SNRPD3: variants seen among roughly 807,000 people sequenced by gnomAD.
SNRPD3 encodes the protein small nuclear ribonucleoprotein D3 polypeptide, also known as small nuclear ribonucleoprotein Sm D3.
For synonymous variants in SNRPD3, 66 were observed against 58.4 expected (o/e 1.13, Z -0.59); for missense variants, 73 against 167.5 (o/e 0.44, Z 3.11).
At chr22:24,570,407 G>A (rs1489596304) in intron 3 of SNRPD3, among the ~76,000 whole-genome samples, 2 of 152,208 alleles carry the variant, frequency 1.3e-5, no homozygotes, top group East Asian at 1.9e-4. Flanking sequence ...GTGAGGGGCC[G>A]GGCGCAGTGG....
chr22:24,555,755 G>A, upstream of SNRPD3: 1 of 1,550,596 alleles, frequency 6.4e-7, no homozygotes, highest in South Asian at 1.2e-5. Context: ...GGGGTGCTTG[G>A]AAGTGTGAGC....
chr22:24,565,301 A>G (rs1481957493), intron 2 of SNRPD3, among the ~76,000 whole-genome samples: 2 of 152,088 alleles, frequency 1.3e-5, no homozygotes, highest in African/African-American at 4.8e-5. Context: ...AAGCAGGAGA[A>G]TAGAGGGAAA....
intron 2 of SNRPD3, among the ~76,000 whole-genome samples, chr22:24,559,857 A>G (rs1052253157): frequency 6.6e-6 from 1 of 151,986 alleles, no homozygotes; most frequent in African/African-American, 2.4e-5. Context: ...CATAGTTCTG[A>G]AGGCTGGAAG....
At chr22:24,567,916 C>T in intron 2 of SNRPD3, 68 bp from the exon 3 acceptor site, 18 of 1,266,920 alleles carry the variant, frequency 1.4e-5, no homozygotes, top group Non-Finnish European at 2.0e-5. Flanking sequence ...CCCCCTCCCA[C>T]CAGTCAAGGC....
rs2045274357 is a variant in SNRPD3 at position 24,574,576 on chromosome 22, T to C, written c.*2599T>C. 1.3e-5 allele frequency among the ~76,000 whole-genome samples: 2 copies of C among 152,192 alleles called. No homozygotes were observed. The highest frequency in any genetic ancestry group is 2.9e-5 in the Non-Finnish European group (2 of 68,030). On this transcript the variant is annotated 3_prime_UTR_variant, in exon 4 of 4. Transcript: ENST00000215829. Reference sequence around the variant, plus strand: ...TTTGCTTGTTTTAAGACGGTCTCACTCTTCCCCAGGCGGGAGTGCAATGGC... The same window carrying C: ...TTTGCTTGTTTTAAGACGGTCTCACCCTTCCCCAGGCGGGAGTGCAATGGC...
Position 24,574,555 on chromosome 22 carries a change from C to T in SNRPD3, c.*2578C>T, listed in dbSNP as rs1455313525. Among the ~76,000 whole-genome samples the T allele has an allele frequency of 6.6e-5, 10 of 151,856 alleles. No individual in the cohort carries two copies. Among genetic ancestry groups the T allele is most frequent in the Non-Finnish European group, 1.3e-4 (9 of 67,948 alleles). On this transcript the variant is annotated 3_prime_UTR_variant, in exon 4 of 4. Transcript: ENST00000215829. Reference sequence around the variant, plus strand: ...CTATTCCTTGATGGTTTTTTGTTTGCTTGTTTTAAGACGGTCTCACTCTTC... The same window carrying T: ...CTATTCCTTGATGGTTTTTTGTTTGTTTGTTTTAAGACGGTCTCACTCTTC...
intron 2 of SNRPD3, among the ~76,000 whole-genome samples, chr22:24,561,064 CTTTT>C (rs1164120857): frequency 3.6e-4 from 22 of 61,690 alleles, no homozygotes; most frequent in African/African-American, 1.1e-3. Context: ...TTTTTCTTTT[CTTTT>C]TTTTTTTTTT....
chr22:24,572,671 G>A lies in SNRPD3; in HGVS notation c.*694G>A, dbSNP rs962631906. On this transcript the variant is annotated 3_prime_UTR_variant, in exon 4 of 4. Coordinates refer to ENST00000215829, the MANE Select transcript of SNRPD3 (RefSeq NM_004175.5). ...AGCTACTCGGGAGGCTGAGGCAGAA[G>A]ATTCGCTTGAACCCAGGAGGTGGAC... 4 of 158,614 alleles carry A rather than the reference G, an allele frequency of 2.5e-5. No homozygotes were observed. The highest frequency in any genetic ancestry group is 5.5e-5 in the Non-Finnish European group (4 of 72,392). The allele number at this position is 158,614 out of a possible 1,614,324, so 9.8% of individuals were successfully genotyped here.
chr22:24,562,162 G>A (rs1414077515), intron 2 of SNRPD3, among the ~76,000 whole-genome samples: 1 of 152,204 alleles, frequency 6.6e-6, no homozygotes, highest in African/African-American at 2.4e-5. Flanking sequence ...CCCTGTTTTG[G>A]GGTTTTAGTA....
At chr22:24,568,965 C>T (rs1335956433) in intron 3 of SNRPD3, among the ~76,000 whole-genome samples, 1 of 152,158 alleles carries the variant, frequency 6.6e-6, no homozygotes, top group Non-Finnish European at 1.5e-5. Flanking sequence ...TGCCTCGGCC[C>T]CCTGAAATGC....
intron 3 of SNRPD3, among the ~76,000 whole-genome samples, chr22:24,571,182 A>G (rs888634202): frequency 1.3e-5 from 2 of 152,218 alleles, no homozygotes; most frequent in African/African-American, 4.8e-5. Context: ...CAGATCTAAC[A>G]CATGTTAACA....
intron 1 of SNRPD3, 22 bp from the exon 2 acceptor site, chr22:24,557,635 A>G (rs753650871): frequency 1.8e-5 from 29 of 1,591,654 alleles, no homozygotes; most frequent in Non-Finnish European, 2.3e-5. Flanking sequence ...AGATGAACTG[A>G]CTGTTGTCTC....
chr22:24,562,903 C>G (rs1384232643), intron 2 of SNRPD3, among the ~76,000 whole-genome samples: 1 of 152,172 alleles, frequency 6.6e-6, no homozygotes, highest in Non-Finnish European at 1.5e-5. Flanking sequence ...TTCCAAAATG[C>G]ATAGTGTTCT....
At chr22:24,561,802 A>G (rs550899310) in intron 2 of SNRPD3, among the ~76,000 whole-genome samples, 19 of 152,342 alleles carry the variant, frequency 1.2e-4, no homozygotes, top group African/African-American at 3.6e-4. Context: ...CAGGGGTTCA[A>G]GACCAACCTG....
intron 2 of SNRPD3, among the ~76,000 whole-genome samples, chr22:24,566,107 A>G (rs546955799): frequency 1.3e-5 from 2 of 152,320 alleles, no homozygotes; most frequent in African/African-American, 4.8e-5. Flanking sequence ...TGGGAACTGG[A>G]TGAAAATTTA....
intron 2 of SNRPD3, among the ~76,000 whole-genome samples, chr22:24,566,673 A>G (rs909183182): frequency 1.3e-5 from 2 of 152,246 alleles, no homozygotes; most frequent in Non-Finnish European, 2.9e-5. Flanking sequence ...ATCTGCAGAG[A>G]CAGCACATCT....
chr22:24,556,857 C>T (rs370026353), intron 1 of SNRPD3, among the ~76,000 whole-genome samples: 1 of 152,230 alleles, frequency 6.6e-6, no homozygotes, highest in East Asian at 1.9e-4. Flanking sequence ...TGTTGCTCAT[C>T]TCAATAAAAA....
rs955157671 is a variant in SNRPD3, at chr22:24,568,753, C to T, written c.319+577C>T. Reference sequence around the variant, plus strand: ...TGTATTTTTAGTAGAAACGGGGTTTCACCACCTTGGCTAGGCTGGTCTTGA... The same window carrying T: ...TGTATTTTTAGTAGAAACGGGGTTTTACCACCTTGGCTAGGCTGGTCTTGA... On this transcript the variant is annotated intron_variant, in intron 3 of 3. Coordinates refer to ENST00000215829, the MANE Select transcript of SNRPD3 (RefSeq NM_004175.5). Among the ~76,000 whole-genome samples, 14 of 148,618 alleles carry T rather than the reference C, an allele frequency of 9.4e-5. No individual in the cohort carries two copies. The East Asian group carries it at 2.7e-3, about 29-fold the overall frequency.
At chr22:24,556,366 G>GTT (rs1381490390) in intron 1 of SNRPD3, among the ~76,000 whole-genome samples, 2 of 56,392 alleles carry the variant, frequency 3.5e-5, no homozygotes. Context: ...AATCCTATGA[G>GTT]TTTTTTTTTG....
Sources: gnomAD v4.1 joint callset for allele counts (sites outside exome capture counted in the v4.1 genomes callset) on GRCh38, gnomAD v4.1.1 for gene constraint, MANE v1.5 for transcripts, NCBI Gene and HGNC (gene_info 2026-07-23, HGNC 2026-07-21) for gene names.